The following EED variants were observed in gnomAD, a reference collection of about 807,000 sequenced individuals.
EED encodes polycomb protein EED.
A neutral mutation model predicts 61.0 loss-of-function variants in EED; 9 were observed. The observed-to-expected ratio is 0.15, with a 90% confidence interval of 0.09 to 0.26. The LOEUF is 0.26. EED is among the 10% of genes least tolerant of loss of function. The pLI is 1.00. For missense variants in EED, 315 were observed against 542.3 expected (o/e 0.58, Z 4.16); for synonymous variants, 187 against 174.4 (o/e 1.07, Z -0.57).
intron 9 of EED, among the ~76,000 whole-genome samples, chr11:86,273,410 G>GT (rs1315019494): frequency 1.3e-5 from 2 of 152,124 alleles, no homozygotes; most frequent in Non-Finnish European, 2.9e-5. Flanking sequence ...AACCATATCA[G>GT]TTTTTTTGTT....
intron 6 of EED, among the ~76,000 whole-genome samples, chr11:86,260,981 A>T (rs1945812342): frequency 6.6e-6 from 1 of 151,760 alleles, no homozygotes; most frequent in Non-Finnish European, 1.5e-5. Context: ...TCATGACCTA[A>T]CGCTTCTCAT....
chr11:86,267,701 A>G (rs1441301181), intron 8 of EED, among the ~76,000 whole-genome samples: 5 of 151,598 alleles, frequency 3.3e-5, no homozygotes, highest in African/African-American at 1.2e-4. Flanking sequence ...CGCAGGTTCA[A>G]GCGATTCTCC....
At chr11:86,278,201 A>G (rs1462005043) in intron 11 of EED, 198 bp from the exon 12 acceptor site, 6 of 1,329,054 alleles carry the variant, frequency 4.5e-6, no homozygotes, top group South Asian at 2.4e-5. Flanking sequence ...TTTTATACAA[A>G]TTATGTAGTG....
the EED span, among the ~76,000 whole-genome samples, chr11:86,286,288 G>A: frequency 2.6e-5 from 4 of 151,704 alleles, no homozygotes; most frequent in South Asian, 2.1e-4. Flanking sequence ...TGATCCGCCC[G>A]CCTCAGCCTC....
At chr11:86,261,294 A>T (rs979310545) in intron 6 of EED, among the ~76,000 whole-genome samples, 13 of 152,256 alleles carry the variant, frequency 8.5e-5, no homozygotes, top group African/African-American at 3.1e-4. Context: ...TCCAAAACTC[A>T]ACAGAACAAA....
chr11:86,268,599 G>GTGTGTGTGTA, intron 9 of EED, 38 bp downstream of exon 9: 1 of 977,876 alleles, frequency 1.0e-6, no homozygotes, highest in Non-Finnish European at 1.5e-6. Flanking sequence ...TCCATCGTGT[G>GTGTGTGTGTA]TGTGTGTGTG....
intron 6 of EED, among the ~76,000 whole-genome samples, chr11:86,258,920 G>A (rs551258683): frequency 9.2e-5 from 14 of 151,702 alleles, no homozygotes; most frequent in Non-Finnish European, 1.8e-4. Flanking sequence ...AGGCTGGAGT[G>A]CAATGGCTCT....
At position 86,245,157 on chromosome 11, in the gene EED, C is replaced by T. The variant is rs1482449400; in HGVS notation, c.-73C>T. The T allele has an allele frequency of 2.3e-6, 3 of 1,300,694 alleles. No individual in the cohort carries two copies. Among genetic ancestry groups the T allele is most frequent in the South Asian group, 1.2e-5 (1 of 80,016 alleles). 80.6% of individuals were successfully genotyped at this position (1,300,694 alleles called of 1,614,324 possible). On this transcript the variant is annotated 5_prime_UTR_variant, in exon 1 of 12. Transcript: ENST00000263360. ...GCGGCAACTTTGCGGCAAGCTCGGG[C>T]CGGGCTTGCTTGACGGCGGTGTGGC... is the stretch of plus-strand genomic sequence containing the variant.
chr11:86,247,172 A>G (rs750209127), intron 1 of EED, among the ~76,000 whole-genome samples: 11 of 152,292 alleles, frequency 7.2e-5, no homozygotes, highest in Middle Eastern at 6.8e-3. Context: ...CTTTGCTGCA[A>G]TTTTAAAGCT....
chr11:86,276,839 T>G (rs148765052), intron 9 of EED, 141 bp from the exon 10 acceptor site: 3 of 545,678 alleles, frequency 5.5e-6, no homozygotes, highest in African/African-American at 3.9e-5. Flanking sequence ...TATAAATGAA[T>G]GTACATCACT....
At chr11:86,257,430 C>A in intron 5 of EED, 85 bp from the exon 6 acceptor site, 5 of 895,146 alleles carry the variant, frequency 5.6e-6, no homozygotes, top group South Asian at 2.1e-5. Context: ...TTAAGTGAAA[C>A]TATTTTTACA....
In EED at chr11:86,245,177, TG is replaced by T; in HGVS notation, c.-52del. 6.8e-7 allele frequency: 1 copy of T among 1,470,184 alleles called. No homozygotes were observed. The highest frequency in any genetic ancestry group is 9.4e-7 in the Non-Finnish European group (1 of 1,064,118). The allele number at this position is 1,470,184 out of a possible 1,614,324, so 91.1% of individuals were successfully genotyped here. On this transcript the variant is annotated 5_prime_UTR_variant, in exon 1 of 12. Coordinates refer to ENST00000263360, the MANE Select transcript of EED (RefSeq NM_003797.5). ...TCGGGCCGGGCTTGCTTGACGGCGG[TG>T]TGGCGGAGGCCCCGCCCCAGGCGGC...
chr11:86,278,605 C>T lies in EED; in HGVS notation c.*80C>T, dbSNP rs928133948. On this transcript the variant is annotated 3_prime_UTR_variant, in exon 12 of 12. Coordinates refer to ENST00000263360, the MANE Select transcript of EED (RefSeq NM_003797.5). ...TTAATGTATCTTGCTAGTAAGGGCA[C>T]GTAGAGCATTTAGAGTTGTCTTTCA... 1.9e-6 allele frequency: 3 copies of T among 1,539,866 alleles called. No individual in the cohort carries two copies. Among genetic ancestry groups the T allele is most frequent in the Admixed American group, 1.8e-5 (1 of 55,332 alleles).
intron 6 of EED, among the ~76,000 whole-genome samples, chr11:86,258,348 T>C (rs949010833): frequency 2.6e-5 from 4 of 152,096 alleles, no homozygotes; most frequent in Admixed American, 6.6e-5. Context: ...AAATGCTACG[T>C]TTTTCAGGAT....
chr11:86,265,667 A>C (rs1945956484), intron 7 of EED: 1 of 152,420 alleles, frequency 6.6e-6, no homozygotes, highest in South Asian at 2.1e-4. Context: ...TTAAGGATTC[A>C]TGTATTTTCA....
intron 1 of EED, among the ~76,000 whole-genome samples, chr11:86,246,377 C>T (rs1051848042): frequency 1.3e-5 from 2 of 152,192 alleles, no homozygotes; most frequent in Admixed American, 6.5e-5. Flanking sequence ...AGAAGAGTGG[C>T]GTAAGTTCTT....
intron 1 of EED, among the ~76,000 whole-genome samples, chr11:86,249,128 A>G (rs1945462792): frequency 6.6e-6 from 1 of 152,220 alleles, no homozygotes; most frequent in Non-Finnish European, 1.5e-5. Flanking sequence ...TTTGATGTTA[A>G]TTATGTGAAT....
intron 1 of EED, among the ~76,000 whole-genome samples, chr11:86,246,864 G>C (rs1462875714): frequency 6.6e-6 from 1 of 152,116 alleles, no homozygotes; most frequent in Admixed American, 6.6e-5. Flanking sequence ...TTAAAAATGA[G>C]GATGGTGGTG....
chr11:86,277,153 T>C lies in EED; in HGVS notation c.1125+15T>C. 6.4e-7 allele frequency: 1 copy of C among 1,554,422 alleles called. No individual in the cohort carries two copies. Among genetic ancestry groups the C allele is most frequent in the Non-Finnish European group, 8.8e-7 (1 of 1,141,524 alleles). Reference sequence around the variant, plus strand: ...TCTGGCAAAAGGTATCAACATACTTTTACATTTTGAAATGATCTGACTTAT... The same window carrying C: ...TCTGGCAAAAGGTATCAACATACTTCTACATTTTGAAATGATCTGACTTAT... On this transcript the variant is annotated intron_variant, in intron 10 of 11. Coordinates refer to ENST00000263360, the MANE Select transcript of EED (RefSeq NM_003797.5).
Sources: gnomAD v4.1 joint callset for allele counts (sites outside exome capture counted in the v4.1 genomes callset) on GRCh38, gnomAD v4.1.1 for gene constraint, MANE v1.5 for transcripts, NCBI Gene and HGNC (gene_info 2026-07-23, HGNC 2026-07-21) for gene names.